The following DCC variants were observed in gnomAD, a reference collection of about 807,000 sequenced individuals.
The protein encoded by DCC is DCC netrin 1 receptor, also known as netrin receptor DCC.
DCC carries 58 observed loss-of-function variants against 172.5 expected under a neutral mutation model. The ratio of observed to expected loss-of-function variants is 0.34; its 90% CI spans 0.27 to 0.42. The LOEUF is 0.42. DCC is among the 10% of genes least tolerant of loss of function. The pLI is 1.00. For synonymous variants in DCC, 709 were observed against 644.5 expected, an observed-to-expected ratio of 1.10 and a Z score of -1.52; for missense variants, 1,740 against 1,791.0, an observed-to-expected ratio of 0.97 and a Z score of 0.51.
intron 1 of DCC, among the ~76,000 whole-genome samples, chr18:52,587,778 C>T (rs2144790242): frequency 6.6e-6 from 1 of 152,270 alleles, no homozygotes; most frequent in African/African-American, 2.4e-5. Context: ...GTGTGTCGTG[C>T]AGAACCATCT....
chr18:53,136,234 CAT>C (rs2043740558), intron 7 of DCC, among the ~76,000 whole-genome samples: 4 of 132,432 alleles, frequency 3.0e-5, no homozygotes, highest in Non-Finnish European at 5.1e-5. Flanking sequence ...CACACACACA[CAT>C]ACATGCATAT....
At chr18:52,581,652 C>G (rs974803022) in intron 1 of DCC, among the ~76,000 whole-genome samples, 1 of 152,112 alleles carries the variant, frequency 6.6e-6, no homozygotes, top group Admixed American at 6.5e-5. Flanking sequence ...CCTTCATGCT[C>G]TATGTTATAT....
Position 52,340,241 on chromosome 18 carries a change from C to T in DCC, c.-547C>T, listed in dbSNP as rs1053765243. ...CCCAGTAACAAGTGAGAGCGCTCCA[C>T]CCCGCAGTCCCCCCCGCCTCTCCTC... On this transcript the variant is annotated 5_prime_UTR_variant, in exon 1 of 29. Transcript: ENST00000442544. 1.6e-5 allele frequency: 3 copies of T among 190,984 alleles called. No homozygotes were observed. Among genetic ancestry groups the T allele is most frequent in the Non-Finnish European group, 3.3e-5 (3 of 90,300 alleles). 11.8% of individuals were successfully genotyped at this position (190,984 alleles called of 1,614,324 possible).
At chr18:52,877,895 A>G (rs944935990) in intron 2 of DCC, among the ~76,000 whole-genome samples, 2 of 152,098 alleles carry the variant, frequency 1.3e-5, no homozygotes, top group Non-Finnish European at 2.9e-5. Flanking sequence ...TAAAACATGC[A>G]CCAAGTAGCA....
intron 1 of DCC, among the ~76,000 whole-genome samples, chr18:52,530,341 A>G (rs1598891289): frequency 1.3e-5 from 2 of 152,184 alleles, no homozygotes; most frequent in African/African-American, 2.4e-5. Flanking sequence ...TCATTACAAG[A>G]AAAACAGTAA....
chr18:53,466,005 C>A (rs954338976), intron 24 of DCC, among the ~76,000 whole-genome samples: 2 of 152,086 alleles, frequency 1.3e-5, no homozygotes, highest in Non-Finnish European at 2.9e-5. Flanking sequence ...ACCTCATGAT[C>A]CGCCCACCTC....
chr18:53,431,569 C>G (rs1015799245), intron 21 of DCC, among the ~76,000 whole-genome samples: 1 of 151,828 alleles, frequency 6.6e-6, no homozygotes. Flanking sequence ...CTCACTGCAA[C>G]CTCTACCTCC....
At chr18:52,654,663 T>C (rs1425107910) in intron 1 of DCC, among the ~76,000 whole-genome samples, 1 of 152,158 alleles carries the variant, frequency 6.6e-6, no homozygotes, top group African/African-American at 2.4e-5. Flanking sequence ...TTGCTTTAAC[T>C]TAATCACAAC....
intron 2 of DCC, among the ~76,000 whole-genome samples, chr18:52,789,173 T>C (rs1598803726): frequency 6.6e-6 from 1 of 152,312 alleles, no homozygotes. Context: ...AACTGTCAGA[T>C]AACACAATGA....
chr18:52,747,449 T>G (rs987921601), intron 1 of DCC, among the ~76,000 whole-genome samples: 2 of 152,244 alleles, frequency 1.3e-5, no homozygotes, highest in African/African-American at 4.8e-5. Flanking sequence ...TGAAATTCTC[T>G]GCAGCATTGT....
At chr18:52,449,377 A>T (rs1988229277) in intron 1 of DCC, among the ~76,000 whole-genome samples, 2 of 152,374 alleles carry the variant, frequency 1.3e-5, no homozygotes, top group African/African-American at 4.8e-5. Flanking sequence ...AAGATTGTGA[A>T]CACAGTTTCA....
intron 12 of DCC, among the ~76,000 whole-genome samples, chr18:53,253,396 G>C (rs1292238278): frequency 2.0e-5 from 3 of 151,984 alleles, no homozygotes; most frequent in African/African-American, 7.2e-5. Flanking sequence ...TGAGGAACAG[G>C]ATAGGACATG....
chr18:53,018,724 G>T (rs910441450), intron 5 of DCC, among the ~76,000 whole-genome samples: 6 of 152,120 alleles, frequency 3.9e-5, no homozygotes, highest in Non-Finnish European at 5.9e-5. Flanking sequence ...ACAAATGAAT[G>T]CTATAACATA....
intron 27 of DCC, among the ~76,000 whole-genome samples, chr18:53,510,688 A>G (rs962396124): frequency 3.9e-4 from 60 of 152,350 alleles, no homozygotes; most frequent in African/African-American, 1.4e-3. Context: ...TTTCACTTCC[A>G]TGATACTGTG....
At chr18:52,448,096 AG>A (rs1385241138) in intron 1 of DCC, among the ~76,000 whole-genome samples, 1 of 152,134 alleles carries the variant, frequency 6.6e-6, no homozygotes, top group Non-Finnish European at 1.5e-5. Flanking sequence ...GCACAGCAGG[AG>A]GGGAGTGGTA....
At chr18:53,199,348 C>T (rs2055499756) in intron 9 of DCC, among the ~76,000 whole-genome samples, 1 of 152,106 alleles carries the variant, frequency 6.6e-6, no homozygotes, top group African/African-American at 2.4e-5. Context: ...ACCTCGGCCT[C>T]CCAAAGTGCT....
At chr18:52,614,761 GA>G (rs36093491) in intron 1 of DCC, among the ~76,000 whole-genome samples, 1 of 151,216 alleles carries the variant, frequency 6.6e-6, no homozygotes, top group Admixed American at 6.6e-5. Context: ...TGTTACATCT[GA>G]AAAAAAAATC....
rs1345499815 is a variant in DCC at position 53,086,500 on chromosome 18, CCTTTCTTCTTCTTCTT to C, written c.1261+20346_1261+20361del. 4.9e-5 allele frequency among the ~76,000 whole-genome samples: 2 copies of C among 41,078 alleles called. 1 individual carries two copies. Among genetic ancestry groups the C allele is most frequent in the Non-Finnish European group, 8.5e-5 (2 of 23,480 alleles). The allele number at this position is 41,078 out of a possible 152,430, so 26.9% of individuals were successfully genotyped here. On this transcript the variant is annotated intron_variant, in intron 7 of 28. Coordinates refer to ENST00000442544, the MANE Select transcript of DCC (RefSeq NM_005215.4). ...TTTCTTCTTCTTCTTTCTTCTTCTT[CCTTTCTTCTTCTTCTT>C]CTTTCTTCTTCCTTCTTCTTCTTCT...
chr18:52,415,378 G>A (rs2144414022), intron 1 of DCC, among the ~76,000 whole-genome samples: 1 of 152,282 alleles, frequency 6.6e-6, no homozygotes, highest in East Asian at 1.9e-4. Flanking sequence ...AAGCCTGAAG[G>A]GAGAAAATGA....
Sources: gnomAD v4.1 joint callset for allele counts (sites outside exome capture counted in the v4.1 genomes callset) on GRCh38, gnomAD v4.1.1 for gene constraint, MANE v1.5 for transcripts, NCBI Gene and HGNC (gene_info 2026-07-23, HGNC 2026-07-21) for gene names.